TBC1D9: variants seen among roughly 807,000 people sequenced by gnomAD.
TBC1D9 encodes the protein TBC1 domain family member 9A.
TBC1D9 carries 63 observed loss-of-function variants against 132.0 expected under a neutral mutation model. The observed-to-expected ratio is 0.48, with a 90% CI of 0.39 to 0.59. The LOEUF (loss-of-function observed/expected upper bound fraction) is 0.59, where lower values mean the gene tolerates loss of function less well. TBC1D9 is among the 20% of genes least tolerant of loss of function. The pLI, the probability that TBC1D9 is intolerant of heterozygous loss-of-function variation, is 0.00. For synonymous variants in TBC1D9, 610 were observed against 609.9 expected, an observed-to-expected ratio of 1.00 and a Z score of 0.00; for missense variants, 1,261 against 1,592.7, an observed-to-expected ratio of 0.79 and a Z score of 3.54.
chr4:140,692,748 G>T (rs763157543), intron 2 of TBC1D9, among the ~76,000 whole-genome samples: 34 of 152,072 alleles, frequency 2.2e-4, no homozygotes, highest in Admixed American at 1.8e-3. Flanking sequence ...GACCGGGCAC[G>T]GTGGCTCACA....
intron 1 of TBC1D9, among the ~76,000 whole-genome samples, chr4:140,749,743 A>G (rs775197896): frequency 2.0e-5 from 3 of 152,228 alleles, no homozygotes; most frequent in Non-Finnish European, 4.4e-5. Flanking sequence ...TATCTAAAAC[A>G]TAAGGATACA....
intron 1 of TBC1D9, among the ~76,000 whole-genome samples, chr4:140,722,638 A>G (rs1738441680): frequency 6.6e-6 from 1 of 152,216 alleles, no homozygotes; most frequent in Non-Finnish European, 1.5e-5. Flanking sequence ...ATTCTGACCT[A>G]ATGATAATTC....
chr4:140,753,471 G>A (rs1738956840), intron 1 of TBC1D9, among the ~76,000 whole-genome samples: 1 of 152,092 alleles, frequency 6.6e-6, no homozygotes, highest in African/African-American at 2.4e-5. Flanking sequence ...AGAGAAGTCA[G>A]GGCATGTACT....
intron 9 of TBC1D9, among the ~76,000 whole-genome samples, chr4:140,666,242 G>T (rs1737441862): frequency 6.6e-6 from 1 of 152,176 alleles, no homozygotes; most frequent in African/African-American, 2.4e-5. Context: ...TATACAAAAT[G>T]TCTAGCAACA....
chr4:140,700,764 G>T (rs997938709), intron 2 of TBC1D9: 2 of 152,044 alleles, frequency 1.3e-5, no homozygotes, highest in African/African-American at 4.8e-5. Context: ...AGATTGTGGT[G>T]AGCCGGGATC....
intron 1 of TBC1D9, among the ~76,000 whole-genome samples, chr4:140,745,724 G>A (rs988347803): frequency 5.3e-5 from 8 of 151,988 alleles, no homozygotes; most frequent in Non-Finnish European, 1.2e-4. Context: ...TAAGTTTTGG[G>A]GGAGTCAAAA....
chr4:140,626,517 CA>C (rs1226699954), intron 18 of TBC1D9, among the ~76,000 whole-genome samples: 5 of 152,058 alleles, frequency 3.3e-5, no homozygotes, highest in African/African-American at 4.8e-5. Flanking sequence ...TTGGGGATGG[CA>C]AAACTTAAGA....
intron 1 of TBC1D9, among the ~76,000 whole-genome samples, chr4:140,748,004 A>T (rs1418109160): frequency 6.6e-6 from 1 of 152,232 alleles, no homozygotes; most frequent in Non-Finnish European, 1.5e-5. Flanking sequence ...TAGAAGTACA[A>T]GGTCCAGTTC....
chr4:140,683,879 C>G (rs1357148558), intron 3 of TBC1D9, among the ~76,000 whole-genome samples: 1 of 152,212 alleles, frequency 6.6e-6, no homozygotes, highest in African/African-American at 2.4e-5. Context: ...AAAACACAGC[C>G]TGTGGGTAAA....
chr4:140,643,179 C>T, intron 13 of TBC1D9: 1 of 1,435,292 alleles, frequency 7.0e-7, no homozygotes, highest in Non-Finnish European at 9.6e-7. Flanking sequence ...TGCCAGCAGG[C>T]TCTCCAGTGA....
At chr4:140,679,977 A>G in intron 3 of TBC1D9, 134 bp from the exon 4 acceptor site, 1 of 616,146 alleles carries the variant, frequency 1.6e-6, no homozygotes, top group Non-Finnish European at 2.7e-6. Context: ...GCAACCCCCA[A>G]ATTCTAAGCC....
intron 1 of TBC1D9, among the ~76,000 whole-genome samples, chr4:140,746,011 T>C (rs986725836): frequency 1.3e-5 from 2 of 152,194 alleles, no homozygotes; most frequent in East Asian, 1.9e-4. Context: ...GAATGCACTA[T>C]GTCAAATTCC....
chr4:140,747,494 C>T (rs1276008607), intron 1 of TBC1D9, among the ~76,000 whole-genome samples: 1 of 152,112 alleles, frequency 6.6e-6, no homozygotes, highest in Non-Finnish European at 1.5e-5. Context: ...CTTATAATGT[C>T]AGATAAGATA....
intron 13 of TBC1D9, chr4:140,641,738 CACA>C: frequency 1.2e-5 from 2 of 166,908 alleles, no homozygotes; most frequent in South Asian, 3.2e-4. Flanking sequence ...GCGATATTAT[CACA>C]ACGATACAGT....
chr4:140,675,944 C>T (rs1207810430), intron 6 of TBC1D9, among the ~76,000 whole-genome samples: 2 of 152,174 alleles, frequency 1.3e-5, no homozygotes, highest in Non-Finnish European at 2.9e-5. Flanking sequence ...GATTACCCTT[C>T]CCAGGGCTAG....
chr4:140,625,215 C>T (rs564836778), intron 18 of TBC1D9, among the ~76,000 whole-genome samples: 1 of 152,136 alleles, frequency 6.6e-6, no homozygotes, highest in African/African-American at 2.4e-5. Flanking sequence ...GCAAAAGATC[C>T]AGAACTCACT....
At chr4:140,661,510 C>T (rs933702816) in intron 10 of TBC1D9, among the ~76,000 whole-genome samples, 5 of 152,160 alleles carry the variant, frequency 3.3e-5, no homozygotes, top group African/African-American at 7.2e-5. Context: ...AGACAGTGAT[C>T]AGAAGGATCT....
In TBC1D9 at chr4:140,676,903, C is replaced by T. The variant is rs376544697; in HGVS notation, c.1050G>A (p.Pro350=). The T allele has an allele frequency of 6.2e-6, 10 of 1,613,818 alleles. No individual in the cohort carries two copies. Among genetic ancestry groups the T allele is most frequent in the East Asian group, 2.2e-5 (1 of 44,878 alleles). Reference sequence around the variant, plus strand: ...TTTATCAGATACTTACCTCACGGAGCGGGATAATGAGGCTACATAAGTTCT... The same window carrying T: ...TTTATCAGATACTTACCTCACGGAGTGGGATAATGAGGCTACATAAGTTCT... ...KEENLCSLII[P]LREVTIVEKA... is the part of the protein sequence containing the mutation. The change falls in exon 6 of 21, where the codon CCG becomes CCA. Residue 350 remains proline, a synonymous_variant. Coordinates refer to ENST00000442267, the MANE Select transcript of TBC1D9 (RefSeq NM_015130.3).
At position 140,657,170 on chromosome 4, in the gene TBC1D9, T is replaced by C. The variant is rs1737286281; in HGVS notation, c.2264A>G (p.His755Arg). The C allele has an allele frequency of 3.7e-6, 6 of 1,613,506 alleles. No individual in the cohort carries two copies. The highest frequency in any genetic ancestry group is 5.1e-6 in the Non-Finnish European group (6 of 1,179,794). ...DSTLPPIPHLHSLLSDDVEPY... is the reference protein window; with the variant it reads ...DSTLPPIPHLRSLLSDDVEPY... The stretch of plus-strand genomic sequence containing the variant: ...TTCCACATCATCGCTGAGCAAGGAG[T>C]GGAGGTGAGGAATGGGAGGCAGTGT... Residue 755 changes from histidine to arginine, a missense_variant, in exon 13 of 21, where the codon CAC becomes CGC. Transcript: ENST00000442267.
Sources: gnomAD v4.1 joint callset for allele counts (sites outside exome capture counted in the v4.1 genomes callset) on GRCh38, gnomAD v4.1.1 for gene constraint, MANE v1.5 for transcripts, NCBI Gene and HGNC (gene_info 2026-07-23, HGNC 2026-07-21) for gene names.